The following FAM107B variants were observed in gnomAD, a reference collection of about 807,000 sequenced individuals.
FAM107B encodes protein FAM107B.
In FAM107B, 21 loss-of-function variants were observed where a neutral mutation model predicts 31.5. The ratio of observed to expected loss-of-function variants is 0.67; its 90% CI spans 0.47 to 0.96. The LOEUF (loss-of-function observed/expected upper bound fraction) is 0.96. Ranked by LOEUF, FAM107B falls within the 40% of genes least tolerant of loss-of-function variation. FAM107B has a pLI of 0.00. For missense variants in FAM107B, 452 were observed against 377.1 expected (o/e 1.20, Z -1.64); for synonymous variants, 157 against 141.5 (o/e 1.11, Z -0.78).
chr10:14,551,885 C>T (rs1328573502), intron 2 of FAM107B, among the ~76,000 whole-genome samples: 1 of 152,102 alleles, frequency 6.6e-6, no homozygotes, highest in Admixed American at 6.5e-5. Flanking sequence ...GCTTCAGAAC[C>T]TTCTTGGTGG....
chr10:14,608,225 T>C (rs1852641246), intron 2 of FAM107B, among the ~76,000 whole-genome samples: 1 of 152,244 alleles, frequency 6.6e-6, no homozygotes, highest in Non-Finnish European at 1.5e-5. Flanking sequence ...TATACTCTTT[T>C]GTATCTTAAA....
intron 2 of FAM107B, among the ~76,000 whole-genome samples, chr10:14,569,944 G>C (rs1477517324): frequency 2.0e-5 from 3 of 152,150 alleles, no homozygotes; most frequent in Non-Finnish European, 4.4e-5. Context: ...CCAGAAACTA[G>C]GGCAGAAACA....
chr10:14,707,452 G>C (rs148084152), intron 1 of FAM107B, among the ~76,000 whole-genome samples: 2 of 152,272 alleles, frequency 1.3e-5, no homozygotes, highest in African/African-American at 2.4e-5. Context: ...ATCTCTAATA[G>C]GAGCTGAGGC....
At chr10:14,614,510 TAAAAATAC>T (rs1852802973) in intron 2 of FAM107B, among the ~76,000 whole-genome samples, 2 of 151,516 alleles carry the variant, frequency 1.3e-5, no homozygotes, top group African/African-American at 2.4e-5. Flanking sequence ...CAGTCTCTAC[TAAAAATAC>T]AAAAATTAGC....
At chr10:14,687,045 G>A (rs961961411) in intron 1 of FAM107B, among the ~76,000 whole-genome samples, 1 of 152,264 alleles carries the variant, frequency 6.6e-6, no homozygotes, top group African/African-American at 2.4e-5. Flanking sequence ...CGAAGCCTCA[G>A]AGATGCTGAA....
chr10:14,719,884 C>T (rs1420890320), intron 1 of FAM107B, among the ~76,000 whole-genome samples: 2 of 152,292 alleles, frequency 1.3e-5, no homozygotes, highest in African/African-American at 4.8e-5. Flanking sequence ...CTGTTCAGCT[C>T]TTCTTATGCT....
chr10:14,739,761 T>C (rs1343504992), intron 1 of FAM107B, among the ~76,000 whole-genome samples: 1 of 152,086 alleles, frequency 6.6e-6, no homozygotes, highest in African/African-American at 2.4e-5. Flanking sequence ...GAACTTGGAG[T>C]TGTGGGCATG....
chr10:14,742,097 T>C (rs1019901653), intron 1 of FAM107B, among the ~76,000 whole-genome samples: 2 of 151,818 alleles, frequency 1.3e-5, no homozygotes, highest in Non-Finnish European at 2.9e-5. Flanking sequence ...CCACAGGTGT[T>C]TGGGGATTTT....
chr10:14,538,954 A>G (rs1847908555), intron 2 of FAM107B, among the ~76,000 whole-genome samples: 1 of 152,222 alleles, frequency 6.6e-6, no homozygotes, highest in Non-Finnish European at 1.5e-5. Flanking sequence ...GAGCTAGTAC[A>G]CTTGCATATG....
At chr10:14,600,289 G>A (rs1349180137) in intron 2 of FAM107B, among the ~76,000 whole-genome samples, 1 of 152,170 alleles carries the variant, frequency 6.6e-6, no homozygotes, top group South Asian at 2.1e-4. Flanking sequence ...AAGGACACTG[G>A]GACAGAACCA....
rs1342321838 is a variant in FAM107B at position 14,520,340 on chromosome 10, C to T, written c.*850G>A. The T allele has an allele frequency of 6.6e-6, 1 of 152,196 alleles. No homozygotes were observed. Among genetic ancestry groups the T allele is most frequent in the East Asian group, 1.9e-4 (1 of 5,200 alleles). 9.4% of individuals were successfully genotyped at this position (152,196 alleles called of 1,614,324 possible). The stretch of plus-strand genomic sequence containing the variant: ...AAAGATGTGGCGGCTTCTACTTTTG[C>T]TACTGAAGCTGGGTTATATGGACTA... On this transcript the variant is annotated 3_prime_UTR_variant, in exon 5 of 5. Transcript: ENST00000181796.
At chr10:14,636,663 A>T (rs1056912771) in intron 2 of FAM107B, among the ~76,000 whole-genome samples, 4 of 151,236 alleles carry the variant, frequency 2.6e-5, no homozygotes, top group Admixed American at 2.6e-4. Flanking sequence ...TGGCGAAGGA[A>T]GTACTGGGGT....
intron 1 of FAM107B, 21 bp downstream of exon 1, chr10:14,774,232 G>T: frequency 6.3e-7 from 1 of 1,584,472 alleles, no homozygotes; most frequent in South Asian, 1.1e-5. Context: ...GTCTATAATC[G>T]CAGAGCGAAC....
intron 2 of FAM107B, among the ~76,000 whole-genome samples, chr10:14,569,974 T>C (rs1383460446): frequency 6.6e-6 from 1 of 152,228 alleles, no homozygotes; most frequent in Non-Finnish European, 1.5e-5. Flanking sequence ...TCAGTCGCTT[T>C]TCTAAAACAG....
chr10:14,533,606 C>T (rs981452243), intron 2 of FAM107B, among the ~76,000 whole-genome samples: 1 of 152,202 alleles, frequency 6.6e-6, no homozygotes, highest in African/African-American at 2.4e-5. Flanking sequence ...GCTTTCCGTC[C>T]CCTCATCCTC....
At chr10:14,698,984 A>G (rs992305734) in intron 1 of FAM107B, among the ~76,000 whole-genome samples, 4 of 152,164 alleles carry the variant, frequency 2.6e-5, no homozygotes, top group African/African-American at 9.7e-5. Context: ...TTCAGAGGTG[A>G]CAAAAATCTT....
At chr10:14,686,790 C>CT (rs943249691) in intron 1 of FAM107B, among the ~76,000 whole-genome samples, 1 of 152,182 alleles carries the variant, frequency 6.6e-6, no homozygotes, top group African/African-American at 2.4e-5. Context: ...AAATGCTAAA[C>CT]TGAAGTTGTT....
intron 2 of FAM107B, among the ~76,000 whole-genome samples, chr10:14,633,657 G>C (rs1030832757): frequency 6.6e-6 from 1 of 151,978 alleles, no homozygotes; most frequent in Non-Finnish European, 1.5e-5. Context: ...ATATTCAGTA[G>C]GGGTCTAACA....
intron 2 of FAM107B, among the ~76,000 whole-genome samples, chr10:14,654,561 GC>G (rs1320314341): frequency 1.4e-4 from 21 of 152,080 alleles, no homozygotes; most frequent in African/African-American, 5.1e-4. Flanking sequence ...AAGACTCTTA[GC>G]TGTTGTTTAA....
Sources: allele counts gnomAD v4.1 joint callset (sites outside exome capture counted in the v4.1 genomes callset), GRCh38; gene constraint gnomAD v4.1.1; transcripts MANE v1.5; gene names NCBI Gene and HGNC (gene_info 2026-07-23, HGNC 2026-07-21).